Variants in DHX40 observed in about 807,000 individuals in gnomAD.
The protein encoded by DHX40 is probable ATP-dependent RNA helicase DHX40.
A neutral mutation model predicts 89.6 loss-of-function variants in DHX40; 28 were observed. The observed-to-expected ratio is 0.31, with a 90% confidence interval of 0.23 to 0.43. DHX40 has a LOEUF of 0.43. Among genes scored for constraint, DHX40 ranks in the 20% least tolerant of loss-of-function variants. DHX40 has a pLI of 1.00. For missense variants in DHX40, 457 were observed against 844.0 expected (o/e 0.54, Z 5.68); for synonymous variants, 226 against 283.6 (o/e 0.80, Z 2.04).
chr17:59,574,520 T>C (rs548282687), intron 6 of DHX40, among the ~76,000 whole-genome samples: 2 of 151,318 alleles, frequency 1.3e-5, no homozygotes, highest in Admixed American at 6.6e-5. Flanking sequence ...AAAGACATAG[T>C]AGTATATGTC....
chr17:59,587,805 G>A, intron 11 of DHX40, 91 bp from the exon 12 acceptor site: 5 of 1,539,728 alleles, frequency 3.2e-6, no homozygotes, highest in Non-Finnish European at 4.4e-6. Flanking sequence ...TGGAGGTAAC[G>A]TAAATTATAT....
rs769259657 is a variant in DHX40 at position 59,573,945 on chromosome 17, A to C, written c.752A>C (p.Glu251Ala). 6.4e-7 allele frequency: 1 copy of C among 1,556,884 alleles called. No individual in the cohort carries two copies. Among genetic ancestry groups the C allele is most frequent in the Admixed American group, 1.8e-5 (1 of 56,536 alleles). ...AATTTGATTGGTCCACGAGACAGAG[A>C]AAATACTGCGTATATTCAAGCGGTA... ...FCNLIGPRDR[E>A]NTAYIQAIVK... Residue 251 changes from glutamate to alanine, a missense_variant, in exon 5 of 18, where the codon GAA becomes GCA. Physicochemically the swap from Glu to Ala is moderately radical, Grantham distance 107 (BLOSUM62 -1). This residue lies in a region of DHX40 where 116 missense variants were observed against 188.9 expected (regional missense o/e 0.61). Transcript: ENST00000251241.
chr17:59,566,886 T>A, intron 2 of DHX40, 92 bp downstream of exon 2: 5 of 1,153,680 alleles, frequency 4.3e-6, no homozygotes, highest in Non-Finnish European at 5.9e-6. Context: ...GATTGCCCAG[T>A]ATTTGCTTTA....
chr17:59,580,634 T>TAAAA, intron 10 of DHX40, among the ~76,000 whole-genome samples: 1 of 103,016 alleles, frequency 9.7e-6, no homozygotes, highest in Non-Finnish European at 1.9e-5. Flanking sequence ...TCTCTACAAT[T>TAAAA]AAAAAAAAAA....
chr17:59,565,932 C>A, intron 1 of DHX40, 149 bp downstream of exon 1: 2 of 648,690 alleles, frequency 3.1e-6, no homozygotes, highest in Non-Finnish European at 2.4e-6. Flanking sequence ...GCGAACTTTG[C>A]GTCCAATGAG....
At chr17:59,576,878 T>G (rs1442514570) in intron 7 of DHX40, among the ~76,000 whole-genome samples, 1 of 151,940 alleles carries the variant, frequency 6.6e-6, no homozygotes, top group Non-Finnish European at 1.5e-5. Flanking sequence ...TTTTTTTTTT[T>G]TTGTTTTTTG....
At position 59,565,657 on chromosome 17, in the gene DHX40, C is replaced by T. The variant is rs765385950; in HGVS notation, c.-15C>T. 1 of 1,595,600 alleles carries T rather than the reference C, an allele frequency of 6.3e-7. No homozygotes were observed. The stretch of plus-strand genomic sequence containing the variant: ...AGATCGGTGGACGTGCTCGCCTCCA[C>T]TCGGGGCCAGGTCTATGTCCCGGTT... On this transcript the variant is annotated 5_prime_UTR_variant, in exon 1 of 18. Transcript: ENST00000251241.
chr17:59,600,970 T>A (rs887940016), intron 14 of DHX40, among the ~76,000 whole-genome samples: 2 of 150,954 alleles, frequency 1.3e-5, no homozygotes, highest in African/African-American at 4.9e-5. Flanking sequence ...TTTTTTATCA[T>A]CCCATACTAT....
intron 2 of DHX40, among the ~76,000 whole-genome samples, chr17:59,570,186 AATAT>A (rs2048780518): frequency 8.1e-6 from 1 of 123,054 alleles, no homozygotes; most frequent in Non-Finnish European, 1.6e-5. Context: ...TAATATATAT[AATAT>A]ATAATATATT....
chr17:59,565,830 G>A (rs763141377), intron 1 of DHX40, 47 bp downstream of exon 1: 1 of 1,508,610 alleles, frequency 6.6e-7, no homozygotes, highest in Non-Finnish European at 8.9e-7. Flanking sequence ...TTACGGCGTG[G>A]GGGTTTTGGT....
At chr17:59,586,048 G>C (rs1355674234) in intron 10 of DHX40, 105 bp from the exon 11 acceptor site, 2 of 802,474 alleles carry the variant, frequency 2.5e-6, no homozygotes, top group Non-Finnish European at 4.0e-6. Flanking sequence ...AAGATGACTT[G>C]AAAAATAGAA....
At chr17:59,576,911 C>A (rs1290917502) in intron 7 of DHX40, 1 of 219,472 alleles carries the variant, frequency 4.6e-6, no homozygotes, top group Admixed American at 5.4e-5. Context: ...GCTCTGTCGC[C>A]CAGGCTGGAG....
rs142745107 is a variant in DHX40 at position 59,569,702 on chromosome 17, T to A, written c.281-816T>A. Among the ~76,000 whole-genome samples the A allele has an allele frequency of 7.1e-3, 987 of 139,874 alleles. 91 individuals are homozygous for A. In the East Asian group the frequency reaches 0.16, roughly 23 times the overall value. The allele number at this position is 139,874 out of a possible 152,430, so 91.8% of individuals were successfully genotyped here. ...CTCCGTCTCAAAAAAGAAAAAAATA[T>A]ATATATATCTATATATATATATAGA... On this transcript the variant is annotated intron_variant, in intron 2 of 17. Transcript: ENST00000251241.
intron 14 of DHX40, among the ~76,000 whole-genome samples, chr17:59,601,562 T>C (rs1304295783): frequency 6.6e-6 from 1 of 152,198 alleles, no homozygotes; most frequent in East Asian, 1.9e-4. Context: ...TTCAGGTCTC[T>C]ACTTTTTGAA....
Position 59,607,304 on chromosome 17 carries a change from A to T in DHX40, c.*132A>T. The T allele has an allele frequency of 5.1e-6, 8 of 1,560,954 alleles. No individual in the cohort carries two copies. The highest frequency in any genetic ancestry group is 7.0e-6 in the Non-Finnish European group (8 of 1,144,452). Reference sequence around the variant, plus strand: ...GTTATTGGCCTATGAACTAAAAGCAAATCAAAGCTCATAAATCAAAGCTCA... The same window carrying T: ...GTTATTGGCCTATGAACTAAAAGCATATCAAAGCTCATAAATCAAAGCTCA... On this transcript the variant is annotated 3_prime_UTR_variant, in exon 18 of 18. Coordinates refer to ENST00000251241, the MANE Select transcript of DHX40 (RefSeq NM_024612.5).
chr17:59,596,388 G>A (rs1411151931), intron 12 of DHX40, among the ~76,000 whole-genome samples: 1 of 152,222 alleles, frequency 6.6e-6, no homozygotes, highest in East Asian at 1.9e-4. Flanking sequence ...CCAACATGGT[G>A]AAACCCCATC....
At chr17:59,587,735 G>A (rs111934984) in intron 11 of DHX40, among the ~76,000 whole-genome samples, 161 bp from the exon 12 acceptor site, 9 of 151,944 alleles carry the variant, frequency 5.9e-5, no homozygotes, top group African/African-American at 2.2e-4. Flanking sequence ...TAGGATTACA[G>A]GCATGAGCCA....
intron 3 of DHX40, among the ~76,000 whole-genome samples, chr17:59,571,224 G>A (rs1191737870): frequency 6.6e-6 from 1 of 152,066 alleles, no homozygotes; most frequent in East Asian, 1.9e-4. Context: ...TTGGGAGGCC[G>A]AGGCGGGTGG....
At position 59,581,796 on chromosome 17, in the gene DHX40, C is replaced by A. The variant is rs1339943575; in HGVS notation, c.1343+1917C>A. ...AAAAACCAAAAAAAGCAAAAAAAAA[C>A]CCCAAAACCCACAAATACTCATTGT... On this transcript the variant is annotated intron_variant, in intron 10 of 17. Transcript: ENST00000251241. Among the ~76,000 whole-genome samples, 5 of 119,198 alleles carry A rather than the reference C, an allele frequency of 4.2e-5. 1 individual carries two copies. The highest frequency in any genetic ancestry group is 6.1e-4 in the East Asian group (2 of 3,294). 78.2% of individuals were successfully genotyped at this position (119,198 alleles called of 152,430 possible).
Sources: gnomAD v4.1 joint callset for allele counts (sites outside exome capture counted in the v4.1 genomes callset) on GRCh38, gnomAD v4.1.1 for gene constraint, gnomAD v4.1.1 regional missense constraint, MANE v1.5 for transcripts, NCBI Gene and HGNC (gene_info 2026-07-23, HGNC 2026-07-21) for gene names.